Variants in CDH18 observed in about 807,000 individuals in gnomAD.
CDH18 encodes the protein cadherin-18.
In CDH18, 31 loss-of-function variants were observed where a neutral mutation model predicts 67.9. That is an observed-to-expected ratio of 0.46 (90% CI 0.34 to 0.62). The LOEUF (loss-of-function observed/expected upper bound fraction) is 0.62. Among genes scored for constraint, CDH18 ranks in the 20% least tolerant of loss-of-function variants. The pLI is 0.01. For synonymous variants in CDH18, 362 were observed against 347.2 expected (o/e 1.04, Z -0.48); for missense variants, 890 against 975.5 (o/e 0.91, Z 1.17).
At chr5:19,538,130 A>C (rs1749697881) in intron 9 of CDH18, among the ~76,000 whole-genome samples, 1 of 152,196 alleles carries the variant, frequency 6.6e-6, no homozygotes, top group African/African-American at 2.4e-5. Flanking sequence ...TAAAGGGAAA[A>C]TTGCGTGATA....
Position 20,394,960 on chromosome 5 carries a change from G to A in CDH18, c.-579-139455C>T, listed in dbSNP as rs148531804. Among the ~76,000 whole-genome samples the A allele has an allele frequency of 6.5e-3, 995 of 152,146 alleles. 12 individuals carry two copies. Among genetic ancestry groups the A allele is most frequent in the African/African-American group, 0.023 (954 of 41,526 alleles). On this transcript the variant is annotated intron_variant, in intron 1 of 14. Transcript: ENST00000507958. The stretch of plus-strand genomic sequence containing the variant: ...AATAAATAAATATAGGCATGGATGT[G>A]GTGAAAAGGGAACACTTATACATGG...
Position 19,502,981 on chromosome 5 carries a change from T to C in CDH18, c.1630+11A>G, listed in dbSNP as rs1743510869. 1 of 1,437,118 alleles carries C rather than the reference T, an allele frequency of 7.0e-7. No individual in the cohort carries two copies. The highest frequency in any genetic ancestry group is 9.8e-7 in the Non-Finnish European group (1 of 1,019,006). The allele number at this position is 1,437,118 out of a possible 1,614,324, so 89.0% of individuals were successfully genotyped here. A position where few individuals can be genotyped will look rare whatever the true frequency, so the allele number is the denominator to read the frequency against. ...CCACATAGATAAACAAATATGTGTA[T>C]ATATGTTCACCTTCATTGTCCTTCA... On this transcript the variant is annotated intron_variant, in intron 11 of 12. Transcript: ENST00000382275.
intron 1 of CDH18, among the ~76,000 whole-genome samples, chr5:20,435,615 G>A (rs1306130524): frequency 2.0e-5 from 3 of 151,942 alleles, no homozygotes; most frequent in Non-Finnish European, 1.5e-5. Flanking sequence ...TTTCAATTTG[G>A]AAAATCTCGG....
chr5:20,462,048 T>G (rs1751300454), intron 1 of CDH18, among the ~76,000 whole-genome samples: 1 of 152,158 alleles, frequency 6.6e-6, no homozygotes, highest in Non-Finnish European at 1.5e-5. Flanking sequence ...AATTAGCCTA[T>G]CAAAGGGATA....
chr5:19,713,305 C>G (rs1490188336), intron 5 of CDH18, among the ~76,000 whole-genome samples: 1 of 152,006 alleles, frequency 6.6e-6, no homozygotes, highest in Non-Finnish European at 1.5e-5. Flanking sequence ...TTTTTTTACT[C>G]TCCTGGTAGC....
chr5:19,676,712 A>G (rs900134309), intron 5 of CDH18, among the ~76,000 whole-genome samples: 3 of 151,960 alleles, frequency 2.0e-5, no homozygotes, highest in African/African-American at 7.2e-5. Context: ...TCAGATGAAC[A>G]TACATACAAC....
intron 2 of CDH18, among the ~76,000 whole-genome samples, chr5:20,165,729 TA>T (rs1361649809): frequency 6.6e-6 from 1 of 152,186 alleles, no homozygotes; most frequent in Non-Finnish European, 1.5e-5. Flanking sequence ...TTGTTTTATT[TA>T]TTTTTTTGGC....
chr5:20,100,436 G>A (rs1190675950), intron 2 of CDH18, among the ~76,000 whole-genome samples: 1 of 152,090 alleles, frequency 6.6e-6, no homozygotes, highest in Non-Finnish European at 1.5e-5. Context: ...AACTAAAACT[G>A]CAGTTATATT....
At chr5:20,349,525 G>A (rs1740989678) in intron 1 of CDH18, among the ~76,000 whole-genome samples, 1 of 152,034 alleles carries the variant, frequency 6.6e-6, no homozygotes, top group Admixed American at 6.6e-5. Flanking sequence ...AAGTTCAAAT[G>A]CACAGATAAA....
chr5:19,613,643 G>A (rs1013314269), intron 5 of CDH18, among the ~76,000 whole-genome samples: 8 of 152,056 alleles, frequency 5.3e-5, no homozygotes, highest in Non-Finnish European at 1.0e-4. Context: ...CTGTGATTAC[G>A]CATACATAAA....
intron 2 of CDH18, among the ~76,000 whole-genome samples, chr5:19,945,789 T>C (rs1464379869): frequency 6.6e-6 from 1 of 152,074 alleles, no homozygotes; most frequent in Non-Finnish European, 1.5e-5. Context: ...CAGTGAAATT[T>C]AGAACCAGTC....
intron 1 of CDH18, chr5:20,304,788 A>G: frequency 6.2e-7 from 1 of 1,610,766 alleles, no homozygotes; most frequent in Non-Finnish European, 8.5e-7. Flanking sequence ...CAAGGGAAGG[A>G]GACCGTGTTT....
At chr5:19,876,929 T>C (rs1561491218) in intron 2 of CDH18, among the ~76,000 whole-genome samples, 1 of 152,136 alleles carries the variant, frequency 6.6e-6, no homozygotes, top group African/African-American at 2.4e-5. Flanking sequence ...CTTCTTGGCA[T>C]GGCTCATAAA....
At chr5:19,734,365 C>T (rs1768019853) in intron 4 of CDH18, among the ~76,000 whole-genome samples, 1 of 152,104 alleles carries the variant, frequency 6.6e-6, no homozygotes, top group South Asian at 2.1e-4. Flanking sequence ...GAAGAGGGGA[C>T]TTGTGATATT....
chr5:19,971,106 C>A (rs1158815240), intron 2 of CDH18, among the ~76,000 whole-genome samples: 2 of 151,704 alleles, frequency 1.3e-5, no homozygotes, highest in African/African-American at 2.4e-5. Flanking sequence ...CAAATTAATC[C>A]ATTTTAACCC....
At chr5:19,676,879 GA>G (rs1296257745) in intron 5 of CDH18, among the ~76,000 whole-genome samples, 2 of 152,064 alleles carry the variant, frequency 1.3e-5, no homozygotes, top group Non-Finnish European at 2.9e-5. Context: ...GCTGCTCACT[GA>G]GTCTCTTCCA....
intron 5 of CDH18, among the ~76,000 whole-genome samples, chr5:19,653,030 T>C (rs893562431): frequency 6.6e-6 from 1 of 152,130 alleles, no homozygotes; most frequent in African/African-American, 2.4e-5. Context: ...TTTATTTGCA[T>C]ATGCTTTGTG....
At chr5:20,056,122 AACC>A (rs1741887070) in intron 2 of CDH18, among the ~76,000 whole-genome samples, 1 of 147,966 alleles carries the variant, frequency 6.8e-6, no homozygotes, top group Non-Finnish European at 1.5e-5. Context: ...CTCCTGTCTC[AACC>A]ACCCTAGTAG....
At chr5:19,774,209 A>C (rs1442331285) in intron 3 of CDH18, among the ~76,000 whole-genome samples, 4 of 152,026 alleles carry the variant, frequency 2.6e-5, no homozygotes, top group African/African-American at 9.7e-5. Context: ...CCTGGGTGGC[A>C]GGGTGACAAC....
Sources: gnomAD v4.1 joint callset for allele counts (sites outside exome capture counted in the v4.1 genomes callset) on GRCh38, gnomAD v4.1.1 for gene constraint, MANE v1.5 for transcripts, NCBI Gene and HGNC (gene_info 2026-07-23, HGNC 2026-07-21) for gene names.